The following ZDHHC7 variants were observed in gnomAD, a reference collection of about 807,000 sequenced individuals.
ZDHHC7 encodes zDHHC palmitoyltransferase 7, also known as palmitoyltransferase ZDHHC7.
ZDHHC7 carries 12 observed loss-of-function variants against 34.1 expected under a neutral mutation model. The ratio of observed to expected loss-of-function variants is 0.35; its 90% CI spans 0.23 to 0.57. The LOEUF (loss-of-function observed/expected upper bound fraction) is 0.57, where lower values mean the gene tolerates loss of function less well. ZDHHC7 is among the 20% of genes least tolerant of loss of function. The probability of loss-of-function intolerance (pLI) is 0.84; values close to 1 mark genes in which losing one functional copy is unlikely to be tolerated. For synonymous variants in ZDHHC7, 185 were observed against 155.4 expected, an observed-to-expected ratio of 1.19 and a Z score of -1.42; for missense variants, 388 against 402.7, an observed-to-expected ratio of 0.96 and a Z score of 0.31.
At chr16:85,021,906 C>A in the ZDHHC7 span, among the ~76,000 whole-genome samples, 1 of 151,810 alleles carries the variant, frequency 6.6e-6, no homozygotes, top group South Asian at 2.1e-4. Flanking sequence ...CCTGTAATCG[C>A]AGCACTTTGG....
chr16:84,982,029 G>C, intron 3 of ZDHHC7, 35 bp from the exon 4 acceptor site: 1 of 1,612,650 alleles, frequency 6.2e-7, no homozygotes, highest in Non-Finnish European at 8.5e-7. Context: ...TAGTTGGGGA[G>C]AATGAAAGTT....
intron 1 of ZDHHC7, among the ~76,000 whole-genome samples, chr16:84,996,558 A>C (rs2072579624): frequency 6.6e-6 from 1 of 152,134 alleles, no homozygotes; most frequent in Non-Finnish European, 1.5e-5. Context: ...GGGAGGGTCG[A>C]GGAATCCTCT....
chr16:85,025,446 G>A, the ZDHHC7 span, among the ~76,000 whole-genome samples: 1 of 151,740 alleles, frequency 6.6e-6, no homozygotes, highest in Non-Finnish European at 1.5e-5. Flanking sequence ...GTCTCACTCC[G>A]TCGACAGGCT....
At chr16:84,994,702 C>T (rs547015739) in intron 2 of ZDHHC7, among the ~76,000 whole-genome samples, 33 of 152,322 alleles carry the variant, frequency 2.2e-4, no homozygotes, top group African/African-American at 7.7e-4. Flanking sequence ...ACACCAAACA[C>T]TGGCCATGGC....
At chr16:84,998,798 G>C (rs1283426788) in intron 1 of ZDHHC7, among the ~76,000 whole-genome samples, 2 of 141,684 alleles carry the variant, frequency 1.4e-5, no homozygotes, top group East Asian at 4.2e-4. Context: ...CCTTTGCCCA[G>C]GCTGGAGTGC....
intron 1 of ZDHHC7, among the ~76,000 whole-genome samples, chr16:85,000,531 C>T (rs572217425): frequency 2.0e-5 from 3 of 152,314 alleles, no homozygotes; most frequent in Admixed American, 6.5e-5. Context: ...TACCACTGCA[C>T]TGCTAAGAAT....
At chr16:84,981,233 G>A (rs999149857) in intron 4 of ZDHHC7, among the ~76,000 whole-genome samples, 6 of 152,194 alleles carry the variant, frequency 3.9e-5, no homozygotes, top group Non-Finnish European at 5.9e-5. Context: ...AGACCAGCAG[G>A]GGTGAGGTGT....
chr16:84,981,431 G>T (rs529879866), intron 4 of ZDHHC7, among the ~76,000 whole-genome samples: 1 of 152,214 alleles, frequency 6.6e-6, no homozygotes, highest in Non-Finnish European at 1.5e-5. Context: ...AAAAGTGAAC[G>T]CACAACAGCC....
At chr16:84,987,448 GTTTT>G (rs5818520) in intron 3 of ZDHHC7, among the ~76,000 whole-genome samples, 1 of 145,210 alleles carries the variant, frequency 6.9e-6, no homozygotes, top group Non-Finnish European at 1.5e-5. Context: ...TTTGGGGTTT[GTTTT>G]TTTTTTTTCA....
At chr16:84,987,970 C>A (rs1000902806) in intron 3 of ZDHHC7, among the ~76,000 whole-genome samples, 1 of 152,158 alleles carries the variant, frequency 6.6e-6, no homozygotes, top group African/African-American at 2.4e-5. Flanking sequence ...GAGATCGAGA[C>A]CATCCTGGCT....
chr16:84,977,010 A>G (rs1156343300), intron 7 of ZDHHC7, 85 bp downstream of exon 7: 6 of 1,563,278 alleles, frequency 3.8e-6, no homozygotes, highest in African/African-American at 1.4e-5. Flanking sequence ...GTCAGTCCAC[A>G]GGCACCTATT....
upstream of ZDHHC7, among the ~76,000 whole-genome samples, chr16:85,016,326 A>T (rs2072834017): frequency 6.6e-6 from 1 of 151,784 alleles, no homozygotes; most frequent in Admixed American, 6.6e-5. Context: ...CTGGCCAAAA[A>T]TTTTATTTTT....
intron 4 of ZDHHC7, among the ~76,000 whole-genome samples, chr16:84,979,869 A>T (rs1189923661): frequency 2.0e-5 from 3 of 151,858 alleles, no homozygotes; most frequent in Non-Finnish European, 4.4e-5. Context: ...TTTTAGTCCA[A>T]GCTTGCACCA....
the ZDHHC7 span, among the ~76,000 whole-genome samples, chr16:85,017,842 G>A: frequency 3.9e-5 from 6 of 152,126 alleles, no homozygotes; most frequent in African/African-American, 4.8e-5. Flanking sequence ...GAATGCGGGC[G>A]GACTCAAAAG....
chr16:85,008,041 A>T (rs1411115041), intron 1 of ZDHHC7, among the ~76,000 whole-genome samples: 1 of 151,870 alleles, frequency 6.6e-6, no homozygotes, highest in East Asian at 1.9e-4. Flanking sequence ...ACTTGAGCCC[A>T]GGAGATCAAG....
the ZDHHC7 span, among the ~76,000 whole-genome samples, chr16:85,020,396 G>A: frequency 6.6e-6 from 1 of 152,238 alleles, no homozygotes; most frequent in African/African-American, 2.4e-5. Context: ...ATGGAGCTTA[G>A]AGTCCATTTT....
intron 1 of ZDHHC7, among the ~76,000 whole-genome samples, chr16:85,006,095 G>A (rs978098629): frequency 3.9e-5 from 6 of 152,164 alleles, no homozygotes; most frequent in African/African-American, 1.4e-4. Context: ...CAGAGGTGGC[G>A]GCTCACACTT....
chr16:85,019,264 C>T, the ZDHHC7 span, among the ~76,000 whole-genome samples: 3 of 152,212 alleles, frequency 2.0e-5, no homozygotes, highest in East Asian at 1.9e-4. Flanking sequence ...TCACTTACCC[C>T]GTTGACTATT....
intron 1 of ZDHHC7, among the ~76,000 whole-genome samples, chr16:85,009,570 C>T (rs955727296): frequency 6.6e-6 from 1 of 150,804 alleles, no homozygotes; most frequent in South Asian, 2.1e-4. Context: ...TCCTTCAACT[C>T]TCAAATCAGA....
Sources: allele counts gnomAD v4.1 joint callset (sites outside exome capture counted in the v4.1 genomes callset), GRCh38; gene constraint gnomAD v4.1.1; transcripts MANE v1.5; gene names NCBI Gene and HGNC (gene_info 2026-07-23, HGNC 2026-07-21).